Variants in CERK observed in about 807,000 individuals in gnomAD.
CERK encodes the protein acylsphingosine kinase.
CERK carries 39 observed loss-of-function variants against 63.4 expected under a neutral mutation model. The ratio of observed to expected loss-of-function variants is 0.61; its 90% confidence interval spans 0.48 to 0.80. The LOEUF is 0.80. Among genes scored for constraint, CERK ranks in the 30% least tolerant of loss-of-function variants. CERK has a pLI of 0.00. For missense variants in CERK, 670 were observed against 714.1 expected (o/e 0.94, Z 0.70); for synonymous variants, 302 against 280.0 (o/e 1.08, Z -0.78).
chr22:46,697,425 C>T (rs571312871), intron 8 of CERK, among the ~76,000 whole-genome samples: 145 of 152,224 alleles, frequency 9.5e-4, no homozygotes, highest in African/African-American at 3.2e-3. Flanking sequence ...CTCAGCATCC[C>T]GAGTAACTGG....
At position 46,691,581 on chromosome 22, in the gene CERK, C is replaced by T. The variant is rs2082731739; in HGVS notation, c.1323G>A (p.Gln441=). ...FLRFLIRHTN[Q]QDQFDFTFVE... The stretch of plus-strand genomic sequence containing the variant: ...AGAGCACCCCACTTACCTGGTCCTG[C>T]TGGTTGGTGTGCCTGATGAGAAATC... Residue 441 remains glutamine (Q), a synonymous_variant, in exon 11 of 13, where the codon CAG becomes CAA. Transcript: ENST00000216264. 11 of 1,613,538 alleles carry T rather than the reference C, an allele frequency of 6.8e-6. No homozygotes were observed. Among genetic ancestry groups the T allele is most frequent in the African/African-American group, 1.3e-5 (1 of 74,926 alleles).
chr22:46,697,914 G>T (rs1276393846), intron 8 of CERK, among the ~76,000 whole-genome samples: 1 of 152,236 alleles, frequency 6.6e-6, no homozygotes, highest in Non-Finnish European at 1.5e-5. Context: ...ACTGGCACCA[G>T]CCTTCATTTC....
chr22:46,688,448 A>G (rs2082714229), intron 12 of CERK, among the ~76,000 whole-genome samples: 1 of 152,216 alleles, frequency 6.6e-6, no homozygotes, highest in Non-Finnish European at 1.5e-5. Context: ...GTCCCTGTGC[A>G]CGGCTGCCTG....
At position 46,690,136 on chromosome 22, in the gene CERK, T is replaced by C; in HGVS notation, c.1397A>G (p.Glu466Gly). The C allele has an allele frequency of 8.1e-6, 13 of 1,614,050 alleles. No homozygotes were observed. Among genetic ancestry groups the C allele is most frequent in the Non-Finnish European group, 1.1e-5 (13 of 1,180,000 alleles). The change falls in exon 12 of 13, where the codon GAG becomes GGG. Residue 466 changes from glutamate (E) to glycine (G), a missense_variant. By Grantham distance (98) the Glu-to-Gly change is moderately conservative. Coordinates refer to ENST00000216264, the MANE Select transcript of CERK (RefSeq NM_022766.6). ...KKFQFTSKHM[E>G]DEDSDLKEGG... is the part of the protein sequence containing the mutation. ...CTCCTTGAGGTCGCTGTCCTCATCC[T>C]CCATGTGCTTCGACGTAAACTGGAA... is the stretch of plus-strand genomic sequence containing the variant.
rs5769076 is a variant in CERK, at chr22:46,685,078, G to C, written c.*2056C>G. 1.9e-4 allele frequency: 12 copies of C among 62,580 alleles called. No individual in the cohort carries two copies. Among genetic ancestry groups the C allele is most frequent in the East Asian group, 4.8e-4 (1 of 2,102 alleles). The allele number at this position is 62,580 out of a possible 1,614,324, so 3.9% of individuals were successfully genotyped here. A position where few individuals can be genotyped will look rare whatever the true frequency, so the allele number is the denominator to read the frequency against. On this transcript the variant is annotated 3_prime_UTR_variant, in exon 13 of 13. Coordinates refer to ENST00000216264, the MANE Select transcript of CERK (RefSeq NM_022766.6). ...GTATGGGAAACTTTTTTTTTTGTTG[G>C]GGGGGGCGATGGAGTCTCCCTCTGT... is the stretch of plus-strand genomic sequence containing the variant.
At chr22:46,689,880 T>G in intron 12 of CERK, 112 bp downstream of exon 12, 1 of 670,392 alleles carries the variant, frequency 1.5e-6, no homozygotes, top group Non-Finnish European at 2.4e-6. Context: ...CATTCTTACG[T>G]TTTGTGTTTA....
chr22:46,695,949 A>G (rs887453788), intron 8 of CERK, among the ~76,000 whole-genome samples: 1 of 152,172 alleles, frequency 6.6e-6, no homozygotes, highest in African/African-American at 2.4e-5. Flanking sequence ...CGTGGGCCAC[A>G]CCAGGAGCCA....
rs1373721873 is a variant in CERK at position 46,738,231 on chromosome 22, C to T, written c.-83G>A. The T allele has an allele frequency of 4.0e-5, 24 of 606,282 alleles. No homozygotes were observed. Among genetic ancestry groups the T allele is most frequent in the Non-Finnish European group, 4.6e-5 (23 of 494,720 alleles). The allele number at this position is 606,282 out of a possible 1,614,324, so 37.6% of individuals were successfully genotyped here. A position where few individuals can be genotyped will look rare whatever the true frequency, so the allele number is the denominator to read the frequency against. ...ACCGTTAGCGGCCCCTGCAGTGGCC[C>T]GGGCGGCGGGCGGCGGGCGGCGGGA... On this transcript the variant is annotated 5_prime_UTR_variant, in exon 1 of 13. Coordinates refer to ENST00000216264, the MANE Select transcript of CERK (RefSeq NM_022766.6).
chr22:46,737,861 G>C, intron 1 of CERK, 146 bp downstream of exon 1: 59 of 196,634 alleles, frequency 3.0e-4, no homozygotes, highest in Middle Eastern at 2.4e-3. Context: ...CGCCTGCCCC[G>C]ACCCCTCCCT....
chr22:46,705,049 C>A (rs956400589), intron 6 of CERK, among the ~76,000 whole-genome samples: 1 of 152,180 alleles, frequency 6.6e-6, no homozygotes, highest in Non-Finnish European at 1.5e-5. Flanking sequence ...AAAAGTTAAA[C>A]CACAGACAAA....
intron 3 of CERK, 139 bp from the exon 4 acceptor site, chr22:46,712,432 A>G: frequency 1.3e-6 from 1 of 773,802 alleles, no homozygotes; most frequent in Non-Finnish European, 2.0e-6. Context: ...TAAATCTTAA[A>G]GAACAATGAC....
intron 10 of CERK, among the ~76,000 whole-genome samples, chr22:46,692,467 C>T (rs1056288156): frequency 1.1e-4 from 16 of 148,832 alleles, no homozygotes; most frequent in African/African-American, 3.7e-4. Flanking sequence ...CCAGGTATGG[C>T]GGCAGGCGCC....
rs146459692 is a variant in CERK, at chr22:46,725,491, C to A, written c.143-4476G>T. ...CACCAAGCAGCATCCCCGCACAGCA[C>A]GTGGTGTGTGGACATGCCACAGCAT... On this transcript the variant is annotated intron_variant, in intron 1 of 12. Transcript: ENST00000216264. 4.1e-4 allele frequency among the ~76,000 whole-genome samples: 63 copies of A among 152,294 alleles called. 1 individual carries two copies. The highest frequency in any genetic ancestry group is 1.5e-3 in the African/African-American group (61 of 41,560).
Position 46,714,782 on chromosome 22 carries a change from G to C in CERK, c.380-2489C>G, listed in dbSNP as rs2082858891. Among the ~76,000 whole-genome samples, 1 of 152,102 alleles carries C rather than the reference G, an allele frequency of 6.6e-6. No homozygotes were observed. The highest frequency in any genetic ancestry group is 2.1e-4 in the South Asian group (1 of 4,822). On this transcript the variant is annotated intron_variant, in intron 3 of 12. Transcript: ENST00000216264. The surrounding 1 kb of genome is among the most constrained non-coding windows in gnomAD (Gnocchi z 4.4). The stretch of plus-strand genomic sequence containing the variant: ...TTGTATGACACACCACTGTGACCTT[G>C]GGAACAAAACCAGACAAAGATGTTA...
In CERK at chr22:46,738,090, C is replaced by A; in HGVS notation, c.59G>T (p.Arg20Leu). 1.6e-6 allele frequency: 2 copies of A among 1,289,826 alleles called. No individual in the cohort carries two copies. Among genetic ancestry groups the A allele is most frequent in the Non-Finnish European group, 9.9e-7 (1 of 1,011,194 alleles). 79.9% of individuals were successfully genotyped at this position (1,289,826 alleles called of 1,614,324 possible). Reference sequence around the variant, plus strand: ...CGCGGGCTCCAGGCTCACGGCGCAGCGCTGCTGCTTCACCCACAGCACGGA... The same window carrying A: ...CGCGGGCTCCAGGCTCACGGCGCAGAGCTGCTGCTTCACCCACAGCACGGA... ...LQSVLWVKQQ[R>L]CAVSLEPARA... Residue 20 changes from arginine to leucine, a missense_variant, in exon 1 of 13, where the codon CGC (arginine) becomes CTC (leucine). By Grantham distance (102) the Arg-to-Leu change is moderately radical. Coordinates refer to ENST00000216264, the MANE Select transcript of CERK (RefSeq NM_022766.6).
chr22:46,706,660 A>G (rs973584885), intron 6 of CERK, among the ~76,000 whole-genome samples: 3 of 152,140 alleles, frequency 2.0e-5, no homozygotes, highest in African/African-American at 7.2e-5. Flanking sequence ...CTAAAAGCCA[A>G]AGGGAAGGGA....
At position 46,720,975 on chromosome 22, in the gene CERK, C is replaced by T. The variant is rs1450439295; in HGVS notation, c.183G>A (p.Glu61=). The T allele has an allele frequency of 2.5e-6, 4 of 1,613,640 alleles. No individual in the cohort carries two copies. In the East Asian group the frequency reaches 6.7e-5, roughly 27 times the overall value. The part of the protein sequence containing the change: ...SVPVSEIIAV[E]ETDVHGKHQG... The stretch of plus-strand genomic sequence containing the variant: ...GATGTTTCCCGTGAACGTCTGTTTC[C>T]TCAACGGCGATGATCTCAGATACAG... Residue 61 remains glutamate (E), a synonymous_variant, in exon 2 of 13, where the codon GAG becomes GAA. Transcript: ENST00000216264.
At chr22:46,737,320 A>G (rs931699338) in intron 1 of CERK, among the ~76,000 whole-genome samples, 1 of 151,918 alleles carries the variant, frequency 6.6e-6, no homozygotes, top group Non-Finnish European at 1.5e-5. Context: ...AAAACAAACA[A>G]AAAACAACAA....
intron 1 of CERK, 139 bp downstream of exon 1, chr22:46,737,868 C>A: frequency 2.3e-6 from 1 of 436,342 alleles, no homozygotes; most frequent in Non-Finnish European, 3.3e-6. Context: ...CCCGACCCCT[C>A]CCTGGCGCCT....
Sources: allele counts gnomAD v4.1 joint callset (sites outside exome capture counted in the v4.1 genomes callset), GRCh38; gene constraint gnomAD v4.1.1; non-coding constraint Gnocchi (gnomAD v3.1); transcripts MANE v1.5; gene names NCBI Gene and HGNC (gene_info 2026-07-23, HGNC 2026-07-21).